The following MBP variants were observed in gnomAD, a reference collection of about 807,000 sequenced individuals.
MBP encodes the protein Golli-MBP.
In MBP, 16 loss-of-function variants were observed where a neutral mutation model predicts 35.8. The observed-to-expected ratio is 0.45, with a 90% CI of 0.30 to 0.68. The LOEUF is 0.68. MBP is among the 30% of genes least tolerant of loss of function. The pLI, the probability that MBP is intolerant of heterozygous loss-of-function variation, is 0.08. For synonymous variants in MBP, 143 were observed against 159.6 expected (o/e 0.90, Z 0.78); for missense variants, 380 against 404.7 (o/e 0.94, Z 0.52).
intron 4 of MBP, among the ~76,000 whole-genome samples, chr18:76,997,117 T>C (rs2123232506): frequency 6.6e-6 from 1 of 152,322 alleles, no homozygotes; most frequent in East Asian, 1.9e-4. Flanking sequence ...CATCTGGCAT[T>C]GGATTGTCCT....
At chr18:77,105,180 T>A (rs747057027) in intron 2 of MBP, 31 bp downstream of exon 2, 2 of 1,609,232 alleles carry the variant, frequency 1.2e-6, no homozygotes, top group South Asian at 1.1e-5. Context: ...GAAAACAACA[T>A]GCACATGTTT....
At chr18:77,008,596 C>T (rs976975953) in intron 4 of MBP, among the ~76,000 whole-genome samples, 1 of 152,178 alleles carries the variant, frequency 6.6e-6, no homozygotes, top group African/African-American at 2.4e-5. Context: ...ACTCCAAGTC[C>T]CACGACCACC....
intron 3 of MBP, among the ~76,000 whole-genome samples, chr18:77,031,641 G>A (rs949190545): frequency 4.6e-5 from 7 of 152,202 alleles, no homozygotes; most frequent in Non-Finnish European, 8.8e-5. Context: ...TCTAATAGAC[G>A]AACATCTTGT....
intron 3 of MBP, among the ~76,000 whole-genome samples, chr18:77,028,113 T>C (rs1972299181): frequency 6.7e-6 from 1 of 148,892 alleles, no homozygotes. Flanking sequence ...AGGTCTCTGG[T>C]TTTCCTAGGC....
intron 4 of MBP, chr18:77,014,798 G>A (rs1971538006): frequency 1.0e-6 from 1 of 985,116 alleles, no homozygotes; most frequent in Admixed American, 6.2e-5. Flanking sequence ...ACGTGCAAAT[G>A]TTATTATTAT....
chr18:77,093,760 G>GAA (rs1975638093), intron 2 of MBP, among the ~76,000 whole-genome samples: 1 of 152,026 alleles, frequency 6.6e-6, no homozygotes, highest in Non-Finnish European at 1.5e-5. Flanking sequence ...AATTCCCACG[G>GAA]GCGGGCGCTG....
At chr18:77,023,902 G>T (rs1972092346) in intron 3 of MBP, among the ~76,000 whole-genome samples, 1 of 152,206 alleles carries the variant, frequency 6.6e-6, no homozygotes, top group African/African-American at 2.4e-5. Context: ...CGAGGGCCAG[G>T]GACCAGGCTC....
intron 1 of MBP, among the ~76,000 whole-genome samples, chr18:77,126,312 A>G (rs565050497): frequency 2.0e-5 from 3 of 152,338 alleles, no homozygotes; most frequent in Admixed American, 1.3e-4. Flanking sequence ...GAAGTCAAAG[A>G]AGAAAAATCT....
At chr18:77,082,005 C>G (rs1221547494) in intron 2 of MBP, among the ~76,000 whole-genome samples, 1 of 150,156 alleles carries the variant, frequency 6.7e-6, no homozygotes, top group East Asian at 2.0e-4. Flanking sequence ...GTGCCCGCCA[C>G]AACGCCTGGC....
chr18:77,047,452 A>G (rs1313621716), intron 3 of MBP, among the ~76,000 whole-genome samples: 1 of 152,242 alleles, frequency 6.6e-6, no homozygotes, highest in Admixed American at 6.5e-5. Flanking sequence ...GTAGATTCGC[A>G]GTGGCCGGGG....
intron 4 of MBP, among the ~76,000 whole-genome samples, chr18:76,999,503 T>A (rs1970518219): frequency 6.6e-6 from 1 of 151,760 alleles, no homozygotes; most frequent in African/African-American, 2.4e-5. Context: ...TTGTCCAGGC[T>A]GAAATGCAGT....
chr18:77,106,200 T>C (rs937040486), intron 1 of MBP, among the ~76,000 whole-genome samples: 7 of 152,202 alleles, frequency 4.6e-5, no homozygotes, highest in Non-Finnish European at 1.0e-4. Flanking sequence ...AGATGAACTG[T>C]CTTCTGAACA....
chr18:77,012,366 T>G (rs1971403182), intron 4 of MBP, among the ~76,000 whole-genome samples: 1 of 152,206 alleles, frequency 6.6e-6, no homozygotes, highest in South Asian at 2.1e-4. Flanking sequence ...CACCTGCCAG[T>G]GGGATCTGCT....
intron 1 of MBP, among the ~76,000 whole-genome samples, chr18:77,108,086 G>A (rs1241616718): frequency 6.6e-6 from 1 of 152,212 alleles, no homozygotes; most frequent in East Asian, 1.9e-4. Flanking sequence ...AGAGCATCTG[G>A]CTGATAATCA....
chr18:77,003,637 T>C (rs1225777279), intron 4 of MBP: 1 of 152,232 alleles, frequency 6.6e-6, no homozygotes, highest in South Asian at 2.1e-4. Context: ...TATAATTTTT[T>C]TCTTGTGAAA....
chr18:77,109,238 T>C (rs1426755019), intron 1 of MBP: 1 of 152,208 alleles, frequency 6.6e-6, no homozygotes, highest in Non-Finnish European at 1.5e-5. Context: ...CATCCACTCC[T>C]AAACTGACAA....
intron 4 of MBP, among the ~76,000 whole-genome samples, chr18:76,992,638 C>T (rs1970003949): frequency 6.6e-6 from 1 of 152,214 alleles, no homozygotes; most frequent in East Asian, 1.9e-4. Flanking sequence ...TCCCAGCATT[C>T]AGCACCCAGA....
chr18:76,987,175 C>T lies in MBP; in HGVS notation c.750+1320G>A, dbSNP rs1159921585. 5 of 985,280 alleles carry T rather than the reference C, an allele frequency of 5.1e-6. No individual in the cohort carries two copies. The East Asian group carries it at 4.5e-4, about 89-fold the overall frequency. 61.0% of individuals were successfully genotyped at this position (985,280 alleles called of 1,614,324 possible). A position where few individuals can be genotyped will look rare whatever the true frequency, so the allele number is the denominator to read the frequency against. On this transcript the variant is annotated intron_variant, in intron 7 of 8. Transcript: ENST00000355994. ...CTCCACATTCAGGGAGGATCCGGCA[C>T]GACGGCCCCAAAGTCCACTCCTAGA...
Position 77,009,833 on chromosome 18 carries a change from C to T in MBP, c.576+6999G>A, listed in dbSNP as rs1309410107. Reference sequence around the variant, plus strand: ...CACCCCTGGCCCCGATGGGTGAGGACCCGCCGGCGTCTTACCTTGTACATG... The same window carrying T: ...CACCCCTGGCCCCGATGGGTGAGGATCCGCCGGCGTCTTACCTTGTACATG... On this transcript the variant is annotated intron_variant, in intron 4 of 8. Coordinates refer to ENST00000355994, the MANE Select transcript of MBP (RefSeq NM_001025101.2). 27 of 1,562,552 alleles carry T rather than the reference C, an allele frequency of 1.7e-5. No individual in the cohort carries two copies. In the East Asian group the frequency reaches 6.4e-4, roughly 37 times the overall value.
Sources: gnomAD v4.1 joint callset for allele counts (sites outside exome capture counted in the v4.1 genomes callset) on GRCh38, gnomAD v4.1.1 for gene constraint, MANE v1.5 for transcripts, NCBI Gene and HGNC (gene_info 2026-07-23, HGNC 2026-07-21) for gene names.